The following OR6B3 variants were observed in gnomAD, a reference collection of about 807,000 sequenced individuals.
OR6B3 encodes the protein olfactory receptor 6B3.
For synonymous variants in OR6B3, 148 were observed against 187.8 expected (o/e 0.79, Z 1.73); for missense variants, 315 against 427.4 (o/e 0.74, Z 2.32).
In OR6B3 at chr2:240,045,157, C is replaced by T. The variant is rs76579917; in HGVS notation, c.916G>A (p.Gly306Ser). 3.4e-4 allele frequency: 549 copies of T among 1,614,142 alleles called. 2 individuals are homozygous for T. In the African/African-American group the frequency reaches 4.7e-3, roughly 14 times the overall value. The change falls in exon 2 of 2, where the codon GGC becomes AGC. Residue 306 changes from glycine (G) to serine (S), a missense_variant. Physicochemically the swap from Gly to Ser is moderately conservative, Grantham distance 56. Transcript: ENST00000641019. ...CCCTCTACGGCGCAGCTCGTCAAGC[C>T]GAAGGCTTTTTTCAAGGCATTCTTA...
chr2:240,045,877 T>C, exon 2 of OR6B3: 1 of 1,611,186 alleles, frequency 6.2e-7, no homozygotes. Context: ...AGGAAAGACA[T>C]GGAGCTCAGA....
At chr2:240,046,007 C>T in exon 2 of OR6B3, 1 of 1,612,318 alleles carries the variant, frequency 6.2e-7, no homozygotes, top group Non-Finnish European at 8.5e-7. Context: ...GGTACTGCAG[C>T]CCTGGGGCCG....
chr2:240,048,825 C>T (rs995907814), upstream of OR6B3, among the ~76,000 whole-genome samples: 6 of 152,276 alleles, frequency 3.9e-5, no homozygotes, highest in East Asian at 9.6e-4. Flanking sequence ...GGAGAAATTA[C>T]GTATAAAATG....
At chr2:240,046,017 G>C (rs199556630) in exon 2 of OR6B3, 2 of 1,612,944 alleles carry the variant, frequency 1.2e-6, no homozygotes, top group Non-Finnish European at 1.7e-6. Flanking sequence ...CCCTGGGGCC[G>C]TGGGGAAGCC....
At chr2:240,048,658 G>A (rs1698222164), upstream of OR6B3, among the ~76,000 whole-genome samples, 1 of 152,164 alleles carries the variant, frequency 6.6e-6, no homozygotes, top group South Asian at 2.1e-4. Flanking sequence ...GAGTGTCGAT[G>A]GGAAAGGTAA....
the OR6B3 span, among the ~76,000 whole-genome samples, chr2:240,052,143 A>G: frequency 6.6e-6 from 1 of 152,238 alleles, no homozygotes; most frequent in African/African-American, 2.4e-5. This position sits in a 1 kb window ranked among gnomAD's most constrained non-coding sequence, Gnocchi z 4.5. Flanking sequence ...CCTGTATACC[A>G]ACAATGACTA....
At chr2:240,052,611 A>G in the OR6B3 span, among the ~76,000 whole-genome samples, 3 of 152,110 alleles carry the variant, frequency 2.0e-5, no homozygotes, top group African/African-American at 4.8e-5. The surrounding 1 kb of genome is among the most constrained non-coding windows in gnomAD (Gnocchi z 4.5). Context: ...TCTGTTCTTC[A>G]TATGTTACAT....
At chr2:240,052,914 C>T in the OR6B3 span, among the ~76,000 whole-genome samples, 1 of 152,148 alleles carries the variant, frequency 6.6e-6, no homozygotes, top group African/African-American at 2.4e-5. This position sits in a 1 kb window ranked among gnomAD's most constrained non-coding sequence, Gnocchi z 4.5. Context: ...TGGGTTCAAG[C>T]GATTCTCCCA....
At chr2:240,045,872 A>C in exon 2 of OR6B3, 1 of 1,612,476 alleles carries the variant, frequency 6.2e-7, no homozygotes, top group Non-Finnish European at 8.5e-7. Flanking sequence ...TCTCTAGGAA[A>C]GACATGGAGC....
exon 2 of OR6B3, chr2:240,046,032 A>G (rs1698183702): frequency 1.2e-6 from 2 of 1,613,712 alleles, no homozygotes; most frequent in African/African-American, 2.7e-5. Flanking sequence ...GAAGCCCACC[A>G]GGATGAAGGT....
chr2:240,045,873 G>T, exon 2 of OR6B3: 1 of 1,612,200 alleles, frequency 6.2e-7, no homozygotes, highest in Non-Finnish European at 8.5e-7. Context: ...CTCTAGGAAA[G>T]ACATGGAGCT....
the OR6B3 span, among the ~76,000 whole-genome samples, chr2:240,052,907 G>A: frequency 6.6e-6 from 1 of 152,158 alleles, no homozygotes; most frequent in African/African-American, 2.4e-5. This position sits in a 1 kb window ranked among gnomAD's most constrained non-coding sequence, Gnocchi z 4.5. Context: ...CGCCTGCTGG[G>A]TTCAAGCGAT....
At chr2:240,045,527 G>A (rs1427894482) in exon 2 of OR6B3, 1 of 1,602,034 alleles carries the variant, frequency 6.2e-7, no homozygotes, top group Non-Finnish European at 8.6e-7. Context: ...TGAGGATGGG[G>A]GAAATGTCAC....
upstream of OR6B3, among the ~76,000 whole-genome samples, chr2:240,049,324 T>C (rs1466455019): frequency 6.6e-6 from 1 of 152,234 alleles, no homozygotes; most frequent in Non-Finnish European, 1.5e-5. Flanking sequence ...TTGAGTTAGC[T>C]TTAGTTTTCA....
At chr2:240,052,173 C>CAA in the OR6B3 span, among the ~76,000 whole-genome samples, 1 of 151,978 alleles carries the variant, frequency 6.6e-6, no homozygotes, top group Admixed American at 6.6e-5. The surrounding 1 kb of genome is among the most constrained non-coding windows in gnomAD (Gnocchi z 4.5). Context: ...TTCTTAGATT[C>CAA]AAAAAAGTAT....
exon 1 of OR6B3, chr2:240,046,959 CG>C: frequency 6.6e-6 from 1 of 152,314 alleles, no homozygotes; most frequent in Non-Finnish European, 1.5e-5. Flanking sequence ...TACCCAGGGC[CG>C]GGGCAGCACC....
chr2:240,045,433 T>C, exon 2 of OR6B3: 7 of 1,614,116 alleles, frequency 4.3e-6, no homozygotes, highest in Non-Finnish European at 4.2e-6. Flanking sequence ...GACAGCATGG[T>C]GGCCAGGAGT....
chr2:240,051,418 A>G (rs1184985854), upstream of OR6B3, among the ~76,000 whole-genome samples: 1 of 152,202 alleles, frequency 6.6e-6, no homozygotes, highest in Non-Finnish European at 1.5e-5. Flanking sequence ...ATGATGTTAA[A>G]ATTGCTTCAG....
At chr2:240,050,509 G>A (rs140859187), upstream of OR6B3, among the ~76,000 whole-genome samples, 3,318 of 152,200 alleles carry the variant, frequency 0.022, 59 homozygotes, top group Non-Finnish European at 0.034. Flanking sequence ...GAGGTCAGGC[G>A]TTCAAGACTA....
Sources: allele counts gnomAD v4.1 joint callset (sites outside exome capture counted in the v4.1 genomes callset), GRCh38; gene constraint gnomAD v4.1.1; non-coding constraint Gnocchi (gnomAD v3.1); transcripts MANE v1.5; gene names NCBI Gene and HGNC (gene_info 2026-07-23, HGNC 2026-07-21).